TTC21B: variants seen among roughly 807,000 people sequenced by gnomAD.
The protein encoded by TTC21B is tetratricopeptide repeat protein 21B.
A neutral mutation model predicts 175.1 loss-of-function variants in TTC21B; 127 were observed. The observed-to-expected ratio is 0.73, with a 90% CI of 0.63 to 0.84. The LOEUF (loss-of-function observed/expected upper bound fraction) is 0.84. Among genes scored for constraint, TTC21B ranks in the 40% least tolerant of loss-of-function variants. TTC21B has a pLI of 0.00. For synonymous variants in TTC21B, 524 were observed against 524.5 expected, an observed-to-expected ratio of 1.00 and a Z score of 0.01; for missense variants, 1,561 against 1,558.3, an observed-to-expected ratio of 1.00 and a Z score of -0.03.
rs1424418595 is a variant in TTC21B at position 165,913,625 on chromosome 2, A to G, written c.2160T>C (p.Ala720=). ...CAAGGAGAAGAAAAGACCGAGGGTT[A>G]GCCATTCTTTCAGCAATTTCTCTGG... ...TCFREIAERM[A]NPRSFLLLGD... Residue 720 remains alanine (A), a synonymous_variant, in exon 16 of 29, where the codon GCT becomes GCC. Coordinates refer to ENST00000243344, the MANE Select transcript of TTC21B (RefSeq NM_024753.5). 6.3e-5 allele frequency: 101 copies of G among 1,612,888 alleles called. No individual in the cohort carries two copies. The highest frequency in any genetic ancestry group is 8.1e-5 in the Non-Finnish European group (96 of 1,179,156).
chr2:165,896,195 A>G (rs1435589431), intron 22 of TTC21B, among the ~76,000 whole-genome samples: 1 of 152,180 alleles, frequency 6.6e-6, no homozygotes, highest in Non-Finnish European at 1.5e-5. Flanking sequence ...ACACAGCTCT[A>G]GGACTTCCTC....
Position 165,876,382 on chromosome 2 carries a change from T to A in TTC21B, c.3806-150A>T, listed in dbSNP as rs1684665299. ...AACTACGCTATACAGAGAAGTTGTG[T>A]GATAATAGAAGACAGAGTGACACAA... On this transcript the variant is annotated intron_variant, in intron 27 of 28. Coordinates refer to ENST00000243344, the MANE Select transcript of TTC21B (RefSeq NM_024753.5). 7 of 640,318 alleles carry A rather than the reference T, an allele frequency of 1.1e-5. No individual in the cohort carries two copies. In the East Asian group the frequency reaches 1.6e-4, roughly 15 times the overall value. The allele number at this position is 640,318 out of a possible 1,614,324, so 39.7% of individuals were successfully genotyped here. A position where few individuals can be genotyped will look rare whatever the true frequency, so the allele number is the denominator to read the frequency against.
chr2:165,943,301 T>C lies in TTC21B; in HGVS notation c.470A>G (p.Lys157Arg), dbSNP rs767795162. 6.2e-7 allele frequency: 1 copy of C among 1,611,372 alleles called. No homozygotes were observed. The highest frequency in any genetic ancestry group is 1.7e-5 in the Admixed American group (1 of 59,988). ...CAGTGCTTTTTTAGTGTAAGGCTCT[T>C]TTCCTCTTGTAATATCAAGCCATGC... ...LKAWLDITRG[K>R]EPYTKKALKY... Residue 157 changes from lysine (K) to arginine (R), a missense_variant, in exon 5 of 29, where the codon AAA (lysine) becomes AGA (arginine). Lys to Arg is a conservative substitution (Grantham distance 26, BLOSUM62 2). Coordinates refer to ENST00000243344, the MANE Select transcript of TTC21B (RefSeq NM_024753.5).
At chr2:165,895,971 C>T (rs75485608) in intron 22 of TTC21B, among the ~76,000 whole-genome samples, 1,657 of 152,082 alleles carry the variant, frequency 0.011, 27 homozygotes, top group African/African-American at 0.038. Flanking sequence ...TTTTTGTGCT[C>T]GCTGGGGATA....
intron 12 of TTC21B, among the ~76,000 whole-genome samples, chr2:165,921,767 CAT>C (rs1458550662): frequency 1.3e-5 from 2 of 148,812 alleles, no homozygotes; most frequent in Non-Finnish European, 3.0e-5. Flanking sequence ...CAGTATTTCA[CAT>C]GAGTTAAGGC....
chr2:165,901,969 ACT>A, intron 19 of TTC21B, 59 bp from the exon 20 acceptor site: 1 of 1,360,526 alleles, frequency 7.4e-7, no homozygotes, highest in Non-Finnish European at 1.0e-6. Context: ...ATTCTCCGTA[ACT>A]CACACACAGC....
intron 3 of TTC21B, chr2:165,947,410 TG>T (rs1687618579): frequency 6.6e-6 from 1 of 151,574 alleles, no homozygotes; most frequent in Non-Finnish European, 1.5e-5. Flanking sequence ...TACAATCTAA[TG>T]AGTGAAGGAA....
At chr2:165,921,111 G>C (rs187628850) in intron 12 of TTC21B, among the ~76,000 whole-genome samples, 4 of 152,180 alleles carry the variant, frequency 2.6e-5, no homozygotes, top group African/African-American at 9.6e-5. Context: ...GTGTGCCCCT[G>C]GATAGTTTAT....
At chr2:165,921,709 T>C (rs1032717308) in intron 12 of TTC21B, among the ~76,000 whole-genome samples, 2 of 152,066 alleles carry the variant, frequency 1.3e-5, no homozygotes, top group Admixed American at 6.5e-5. Flanking sequence ...TCAGAAGTCA[T>C]TGCAGTTGGC....
chr2:165,931,712 C>T, intron 8 of TTC21B, 46 bp downstream of exon 8: 3 of 1,489,492 alleles, frequency 2.0e-6, no homozygotes, highest in Non-Finnish European at 2.8e-6. Context: ...ATTTTATGTC[C>T]TCTACTATAG....
At chr2:165,921,607 CAA>C (rs1686407904) in intron 12 of TTC21B, among the ~76,000 whole-genome samples, 1 of 152,076 alleles carries the variant, frequency 6.6e-6, no homozygotes, top group Non-Finnish European at 1.5e-5. Context: ...TAGGAGTGCC[CAA>C]ATCTGTGGCT....
At chr2:165,912,217 C>T (rs1412847021) in intron 17 of TTC21B, among the ~76,000 whole-genome samples, 2 of 152,082 alleles carry the variant, frequency 1.3e-5, no homozygotes, top group Non-Finnish European at 2.9e-5. Context: ...GAACATTTAT[C>T]ATGTTTTGTT....
At chr2:165,940,165 A>G (rs1687312604) in intron 6 of TTC21B, among the ~76,000 whole-genome samples, 1 of 152,118 alleles carries the variant, frequency 6.6e-6, no homozygotes, top group South Asian at 2.1e-4. Context: ...CCAGATTCCA[A>G]TCACTTCTCA....
At chr2:165,934,532 G>T (rs1224382674) in intron 6 of TTC21B, among the ~76,000 whole-genome samples, 2 of 121,958 alleles carry the variant, frequency 1.6e-5, no homozygotes, top group Non-Finnish European at 3.4e-5. Flanking sequence ...GAAAAGAAAC[G>T]AAACATGATG....
At chr2:165,908,375 A>G (rs1023102824) in intron 18 of TTC21B, among the ~76,000 whole-genome samples, 2 of 152,338 alleles carry the variant, frequency 1.3e-5, no homozygotes, top group Non-Finnish European at 2.9e-5. Context: ...TTAATAGCTA[A>G]TAAGTTACTA....
intron 6 of TTC21B, among the ~76,000 whole-genome samples, chr2:165,935,117 C>A (rs146194032): frequency 6.6e-6 from 1 of 152,268 alleles, no homozygotes; most frequent in Non-Finnish European, 1.5e-5. Flanking sequence ...GATGGCAGGA[C>A]TGCAAGATGG....
chr2:165,884,046 A>C, intron 25 of TTC21B, 28 bp from the exon 26 acceptor site: 1 of 1,579,222 alleles, frequency 6.3e-7, no homozygotes, highest in Non-Finnish European at 8.7e-7. Context: ...TTTAGACCAT[A>C]AGATGCATAA....
chr2:165,901,818 A>G lies in TTC21B; in HGVS notation c.2661T>C (p.Cys887=), dbSNP rs141523621. The change falls in exon 20 of 29, where the codon TGT becomes TGC. Residue 887 remains cysteine, a synonymous_variant. Transcript: ENST00000243344. ...CAACAGAATGTTTTGCAATCTCTGC[A>G]CAAATTTCAGCTGCTAAATGTTTCT... is the stretch of plus-strand genomic sequence containing the variant. ...PAQKHLAAEI[C]AEIAKHSVAQ... is the part of the protein sequence containing the mutation. 1.9e-6 allele frequency: 3 copies of G among 1,614,020 alleles called. No homozygotes were observed. Among genetic ancestry groups the G allele is most frequent in the African/African-American group, 2.7e-5 (2 of 74,924 alleles).
At chr2:165,945,467 T>C (rs1687518825) in intron 4 of TTC21B, 57 bp downstream of exon 4, 2 of 1,478,758 alleles carry the variant, frequency 1.4e-6, no homozygotes, top group African/African-American at 2.8e-5. Context: ...CTACTGGATA[T>C]ATCAATAACA....
Sources: gnomAD v4.1 joint callset for allele counts (sites outside exome capture counted in the v4.1 genomes callset) on GRCh38, gnomAD v4.1.1 for gene constraint, MANE v1.5 for transcripts, NCBI Gene and HGNC (gene_info 2026-07-23, HGNC 2026-07-21) for gene names.